The following DUOXA2 variants were observed in gnomAD, a reference collection of about 807,000 sequenced individuals.
The protein encoded by DUOXA2 is dual oxidase maturation factor 2.
Under a neutral mutation model 27.6 loss-of-function variants are expected in DUOXA2, and 22 were observed. The observed-to-expected ratio is 0.80, with a 90% CI of 0.57 to 1.14. DUOXA2 has a LOEUF of 1.14. Ranked by LOEUF, DUOXA2 falls within the 50% of genes most tolerant of loss-of-function variation. The pLI, the probability that DUOXA2 is intolerant of heterozygous loss-of-function variation, is 0.00. For missense variants in DUOXA2, 481 were observed against 419.9 expected (o/e 1.15, Z -1.27); for synonymous variants, 188 against 184.4 (o/e 1.02, Z -0.16).
At position 45,114,370 on chromosome 15, in the gene DUOXA2, A is replaced by G; in HGVS notation, c.-236A>G. ...AGGAAAGTAACGGCTACAGACAGTGAGAAATAGTTTCGCTCGCCGGCTAGA... is the reference window on the plus strand; with the variant it reads ...AGGAAAGTAACGGCTACAGACAGTGGGAAATAGTTTCGCTCGCCGGCTAGA... On this transcript the variant is annotated 5_prime_UTR_variant, in exon 1 of 6. Coordinates refer to ENST00000323030, the MANE Select transcript of DUOXA2 (RefSeq NM_207581.4). The G allele has an allele frequency of 1.7e-6, 1 of 591,012 alleles. No individual in the cohort carries two copies. Among genetic ancestry groups the G allele is most frequent in the Admixed American group, 2.9e-5 (1 of 34,006 alleles). The allele number at this position is 591,012 out of a possible 1,614,324, so 36.6% of individuals were successfully genotyped here.
At position 45,117,744 on chromosome 15, in the gene DUOXA2, C is replaced by T. The variant is rs1478764841; in HGVS notation, c.798C>T (p.Ala266=). 62 of 1,612,890 alleles carry T rather than the reference C, an allele frequency of 3.8e-5. No homozygotes were observed. The highest frequency in any genetic ancestry group is 4.9e-5 in the Non-Finnish European group (58 of 1,179,176). ...TCCTGTGCCTCTTCCTCGGAGGGGC[C>T]GTGGTGAGTCTCCAGTATGTTCGGC... ...TGVLCLFLGG[A]VVSLQYVRPS... The change falls in exon 6 of 6, where the codon GCC becomes GCT. Residue 266 remains alanine (A), a synonymous_variant. Coordinates refer to ENST00000323030, the MANE Select transcript of DUOXA2 (RefSeq NM_207581.4).
chr15:45,114,482 C>G lies in DUOXA2; in HGVS notation c.-124C>G. On this transcript the variant is annotated 5_prime_UTR_variant, in exon 1 of 6. Transcript: ENST00000323030. ...GGAGAGGTGCAGGACTCAGACTTCA[C>G]CAGCCCACTCGGTCCCAGCCTTGTA... 1 of 1,372,904 alleles carries G rather than the reference C, an allele frequency of 7.3e-7. No homozygotes were observed. Among genetic ancestry groups the G allele is most frequent in the Non-Finnish European group, 1.0e-6 (1 of 998,154 alleles). 85.0% of individuals were successfully genotyped at this position (1,372,904 alleles called of 1,614,324 possible).
In DUOXA2 at chr15:45,114,362, A is replaced by G. The variant is rs2141162317; in HGVS notation, c.-244A>G. 1 of 576,592 alleles carries G rather than the reference A, an allele frequency of 1.7e-6. No homozygotes were observed. Among genetic ancestry groups the G allele is most frequent in the East Asian group, 3.0e-5 (1 of 33,148 alleles). The allele number at this position is 576,592 out of a possible 1,614,324, so 35.7% of individuals were successfully genotyped here. A position where few individuals can be genotyped will look rare whatever the true frequency, so the allele number is the denominator to read the frequency against. On this transcript the variant is annotated 5_prime_UTR_variant, in exon 1 of 6. Transcript: ENST00000323030. ...GCAGAACCAGGAAAGTAACGGCTAC[A>G]GACAGTGAGAAATAGTTTCGCTCGC...
Position 45,118,353 on chromosome 15 carries a change from G to A in DUOXA2, c.*444G>A, listed in dbSNP as rs1894829162. The A allele has an allele frequency of 8.6e-7, 1 of 1,162,990 alleles. No homozygotes were observed. Among genetic ancestry groups the A allele is most frequent in the Non-Finnish European group, 1.1e-6 (1 of 941,872 alleles). The allele number at this position is 1,162,990 out of a possible 1,614,324, so 72.0% of individuals were successfully genotyped here. On this transcript the variant is annotated 3_prime_UTR_variant, in exon 6 of 6. Transcript: ENST00000323030. The stretch of plus-strand genomic sequence containing the variant: ...GATGAGGCAGGTCACCCACTCCCCC[G>A]TCCTGGATGCCACTCAGCTAGCCCA...
chr15:45,114,787 G>C, intron 1 of DUOXA2, 35 bp downstream of exon 1: 1 of 1,614,054 alleles, frequency 6.2e-7, no homozygotes, highest in Non-Finnish European at 8.5e-7. Flanking sequence ...TAGAGTGGGG[G>C]AAGGCTCATG....
At position 45,114,535 on chromosome 15, in the gene DUOXA2, C is replaced by G; in HGVS notation, c.-71C>G. ...CAAAGAGACGCCAAGGACGCGCTCT[C>G]CCGCGTCCAGGCAGCCCCAGCTTGC... On this transcript the variant is annotated 5_prime_UTR_variant, in exon 1 of 6. Transcript: ENST00000323030. 1.3e-6 allele frequency: 2 copies of G among 1,598,660 alleles called. No homozygotes were observed. The highest frequency in any genetic ancestry group is 1.7e-5 in the Admixed American group (1 of 58,864).
In DUOXA2 at chr15:45,118,037, C is replaced by T. The variant is rs756918264; in HGVS notation, c.*128C>T. 1.1e-5 allele frequency: 17 copies of T among 1,594,970 alleles called. No homozygotes were observed. The highest frequency in any genetic ancestry group is 1.3e-5 in the Non-Finnish European group (15 of 1,167,552). ...GCTGCTGGCGCGAGGCCTCGGACATCCGCAGGCACCAGGGAAAGTCTCCTG... is the reference window on the plus strand; with the variant it reads ...GCTGCTGGCGCGAGGCCTCGGACATTCGCAGGCACCAGGGAAAGTCTCCTG... On this transcript the variant is annotated 3_prime_UTR_variant, in exon 6 of 6. Coordinates refer to ENST00000323030, the MANE Select transcript of DUOXA2 (RefSeq NM_207581.4).
At chr15:45,116,944 G>A (rs1566982349) in intron 4 of DUOXA2, 147 bp from the exon 5 acceptor site, 2 of 1,122,656 alleles carry the variant, frequency 1.8e-6, no homozygotes, top group South Asian at 2.9e-5. Context: ...TCAGGAGCCC[G>A]CTTCTCCCCC....
chr15:45,116,462 T>C (rs1316609258), intron 3 of DUOXA2, 54 bp from the exon 4 acceptor site: 1 of 1,600,634 alleles, frequency 6.2e-7, no homozygotes, highest in Non-Finnish European at 8.5e-7. Context: ...TGAATCCGCT[T>C]AGTTGCGAGG....
Position 45,114,421 on chromosome 15 carries a change from A to G in DUOXA2, c.-185A>G, listed in dbSNP as rs1894547974. The G allele has an allele frequency of 2.8e-6, 2 of 709,680 alleles. No homozygotes were observed. Among genetic ancestry groups the G allele is most frequent in the East Asian group, 2.7e-5 (1 of 36,726 alleles). 44.0% of individuals were successfully genotyped at this position (709,680 alleles called of 1,614,324 possible). ...AAAACTCTGTCGGTACCAACCCCAG[A>G]GCGTTGAGAGCAGCCCACCTCCACG... On this transcript the variant is annotated 5_prime_UTR_variant, in exon 1 of 6. Transcript: ENST00000323030.
At position 45,117,740 on chromosome 15, in the gene DUOXA2, G is replaced by A; in HGVS notation, c.794G>A (p.Gly265Glu). 6.2e-7 allele frequency: 1 copy of A among 1,612,868 alleles called. No homozygotes were observed. Among genetic ancestry groups the A allele is most frequent in the Non-Finnish European group, 8.5e-7 (1 of 1,179,042 alleles). ...ATGVLCLFLG[G>E]AVVSLQYVRP... ...GGCGTCCTGTGCCTCTTCCTCGGAG[G>A]GGCCGTGGTGAGTCTCCAGTATGTT... The change falls in exon 6 of 6, where the codon GGG becomes GAG. Residue 265 changes from glycine to glutamate, a missense_variant. Physicochemically the swap from Gly to Glu is moderately conservative, Grantham distance 98. Transcript: ENST00000323030.
Position 45,118,051 on chromosome 15 carries a change from G to A in DUOXA2, c.*142G>A. On this transcript the variant is annotated 3_prime_UTR_variant, in exon 6 of 6. Transcript: ENST00000323030. Reference sequence around the variant, plus strand: ...GCCTCGGACATCCGCAGGCACCAGGGAAAGTCTCCTGGGGCGATCTGTAAA... The same window carrying A: ...GCCTCGGACATCCGCAGGCACCAGGAAAAGTCTCCTGGGGCGATCTGTAAA... The A allele has an allele frequency of 5.0e-6, 8 of 1,588,958 alleles. No individual in the cohort carries two copies. Among genetic ancestry groups the A allele is most frequent in the Non-Finnish European group, 6.9e-6 (8 of 1,165,070 alleles).
Position 45,116,536 on chromosome 15 carries a change from A to T in DUOXA2, c.361A>T (p.Asn121Tyr), listed in dbSNP as rs761343328. 14 of 1,613,806 alleles carry T rather than the reference A, an allele frequency of 8.7e-6. No homozygotes were observed. The highest frequency in any genetic ancestry group is 1.2e-5 in the Non-Finnish European group (14 of 1,180,038). ...TLTGTPVHQL[N>Y]ETIDYNEQFT... ...CACAGGGACCCCAGTGCATCAGCTG[A>T]ACGAGACCATTGACTACAACGAGCA... The change falls in exon 4 of 6, where the codon AAC (asparagine) becomes TAC (tyrosine). Residue 121 changes from asparagine (N) to tyrosine (Y), a missense_variant. Physicochemically the swap from Asn to Tyr is moderately radical, Grantham distance 143. Coordinates refer to ENST00000323030, the MANE Select transcript of DUOXA2 (RefSeq NM_207581.4).
rs762580803 is a variant in DUOXA2 at position 45,114,668 on chromosome 15, C to A, written c.63C>A (p.Ser21Arg). 1 of 1,614,236 alleles carries A rather than the reference C, an allele frequency of 6.2e-7. No individual in the cohort carries two copies. Among genetic ancestry groups the A allele is most frequent in the Non-Finnish European group, 8.5e-7 (1 of 1,180,042 alleles). ...AGCCCCGGCATGCCGCAGGCTTCAG[C>A]GTTCCACTGCTCATCGTTATTCTAG... is the stretch of plus-strand genomic sequence containing the variant. ...YPQPRHAAGF[S>R]VPLLIVILVF... The change falls in exon 1 of 6, where the codon AGC (serine) becomes AGA (arginine). Residue 21 changes from serine (S) to arginine (R), a missense_variant. Transcript: ENST00000323030.
chr15:45,114,446 G>A lies in DUOXA2; in HGVS notation c.-160G>A. The A allele has an allele frequency of 2.1e-6, 2 of 942,022 alleles. No homozygotes were observed. The highest frequency in any genetic ancestry group is 3.2e-6 in the Non-Finnish European group (2 of 622,620). The allele number at this position is 942,022 out of a possible 1,614,324, so 58.4% of individuals were successfully genotyped here. ...AGCGTTGAGAGCAGCCCACCTCCAC[G>A]CTTCCTTAACGGAGAGGTGCAGGAC... On this transcript the variant is annotated 5_prime_UTR_variant, in exon 1 of 6. Transcript: ENST00000323030.
At chr15:45,117,329 C>G (rs968501394) in intron 5 of DUOXA2, 24 bp downstream of exon 5, 1 of 1,565,800 alleles carries the variant, frequency 6.4e-7, no homozygotes, top group Admixed American at 1.8e-5. Context: ...GAATGGGCCC[C>G]GGGGGCTAAG....
chr15:45,117,722 T>C lies in DUOXA2; in HGVS notation c.776T>C (p.Leu259Pro). ...TCGATCCCCACCGCCACAGGCGTCCTGTGCCTCTTCCTCGGAGGGGCCGTG... is the reference window on the plus strand; with the variant it reads ...TCGATCCCCACCGCCACAGGCGTCCCGTGCCTCTTCCTCGGAGGGGCCGTG... ...AFWVTLATGV[L>P]CLFLGGAVVS... Residue 259 changes from leucine to proline, a missense_variant, in exon 6 of 6, where the codon CTG becomes CCG. Transcript: ENST00000323030. The C allele has an allele frequency of 6.2e-7, 1 of 1,613,164 alleles. No homozygotes were observed. Among genetic ancestry groups the C allele is most frequent in the South Asian group, 1.1e-5 (1 of 91,064 alleles).
chr15:45,116,734 G>A lies in DUOXA2; in HGVS notation c.554+5G>A, dbSNP rs1197057115. ...CTACGCCTCGGCCACGCTATGGTAA[G>A]TGCTGGAGGGAAGGCTGTGTGCACG... is the stretch of plus-strand genomic sequence containing the variant. On this transcript the variant is annotated splice_donor_5th_base_variant and intron_variant, in intron 4 of 5. Coordinates refer to ENST00000323030, the MANE Select transcript of DUOXA2 (RefSeq NM_207581.4). The A allele has an allele frequency of 2.5e-6, 4 of 1,612,886 alleles. No individual in the cohort carries two copies. Among genetic ancestry groups the A allele is most frequent in the Non-Finnish European group, 3.4e-6 (4 of 1,179,956 alleles).
At position 45,118,208 on chromosome 15, in the gene DUOXA2, G is replaced by A; in HGVS notation, c.*299G>A. The A allele has an allele frequency of 7.1e-7, 1 of 1,417,274 alleles. No homozygotes were observed. Among genetic ancestry groups the A allele is most frequent in the Non-Finnish European group, 9.2e-7 (1 of 1,092,026 alleles). 87.8% of individuals were successfully genotyped at this position (1,417,274 alleles called of 1,614,324 possible). On this transcript the variant is annotated 3_prime_UTR_variant, in exon 6 of 6. Coordinates refer to ENST00000323030, the MANE Select transcript of DUOXA2 (RefSeq NM_207581.4). ...AGCCTAGTACACTCTCCGCAGTGCT[G>A]TGAAACCTGATTCTCTGCGTCGACT...
Sources: allele counts gnomAD v4.1 joint callset, GRCh38; gene constraint gnomAD v4.1.1; transcripts MANE v1.5; gene names NCBI Gene and HGNC (gene_info 2026-07-23, HGNC 2026-07-21).